The following MARCHF1 variants were observed in gnomAD, a reference collection of about 807,000 sequenced individuals.
The protein encoded by MARCHF1 is membrane associated ring-CH-type finger 1.
MARCHF1 carries 40 observed loss-of-function variants against 54.2 expected under a neutral mutation model. That is an observed-to-expected ratio of 0.74 (90% CI 0.57 to 0.96). The LOEUF is 0.96. MARCHF1 is among the 40% of genes least tolerant of loss of function. MARCHF1 has a pLI of 0.00. For synonymous variants in MARCHF1, 236 were observed against 236.3 expected (o/e 1.00, Z 0.01); for missense variants, 586 against 656.5 (o/e 0.89, Z 1.17).
intron 8 of MARCHF1, among the ~76,000 whole-genome samples, chr4:163,582,768 C>CAAA (rs57140017): frequency 0.088 from 13,163 of 150,046 alleles, 1,072 homozygotes; most frequent in East Asian, 0.2. Flanking sequence ...TTAAAAACTA[C>CAAA]AAAAAAAAAA....
chr4:163,526,568 T>A lies in MARCHF1; in HGVS notation c.*2180A>T, dbSNP rs1738112580. 6.6e-6 allele frequency: 1 copy of A among 152,038 alleles called. No homozygotes were observed. The highest frequency in any genetic ancestry group is 1.5e-5 in the Non-Finnish European group (1 of 67,942). 9.4% of individuals were successfully genotyped at this position (152,038 alleles called of 1,614,324 possible). A position where few individuals can be genotyped will look rare whatever the true frequency, so the allele number is the denominator to read the frequency against. ...TGCCATGGTTAAATCACCCACAGATTTGTTATTCATAAATGTATTTATCTT... is the reference window on the plus strand; with the variant it reads ...TGCCATGGTTAAATCACCCACAGATATGTTATTCATAAATGTATTTATCTT... On this transcript the variant is annotated 3_prime_UTR_variant, in exon 10 of 10. Transcript: ENST00000514618.
intron 1 of MARCHF1, among the ~76,000 whole-genome samples, chr4:164,202,955 T>C (rs980958627): frequency 6.6e-6 from 1 of 151,772 alleles, no homozygotes; most frequent in African/African-American, 2.4e-5. Context: ...CACATACAAA[T>C]GTACACACAC....
intron 4 of MARCHF1, among the ~76,000 whole-genome samples, chr4:163,816,963 T>A (rs1370813555): frequency 6.6e-6 from 1 of 152,098 alleles, no homozygotes; most frequent in Non-Finnish European, 1.5e-5. Flanking sequence ...TTCAACCTAA[T>A]TTGCTTGGTG....
chr4:163,963,471 G>A (rs553525549), intron 3 of MARCHF1, among the ~76,000 whole-genome samples: 15 of 151,946 alleles, frequency 9.9e-5, no homozygotes, highest in Admixed American at 5.3e-4. Flanking sequence ...AAGTTTTATG[G>A]ATCATTGAAA....
chr4:164,077,636 CAAAGGGCTA>C, intron 2 of MARCHF1, among the ~76,000 whole-genome samples: 1 of 152,076 alleles, frequency 6.6e-6, no homozygotes. Flanking sequence ...ATTCATCTGA[CAAAGGGCTA>C]ATATTCAGAA....
chr4:164,086,124 T>C (rs1444308980), intron 2 of MARCHF1, among the ~76,000 whole-genome samples: 1 of 151,898 alleles, frequency 6.6e-6, no homozygotes, highest in African/African-American at 2.4e-5. Context: ...TATTGAGAGA[T>C]AAACATCATT....
chr4:163,608,058 A>T (rs954510554), intron 7 of MARCHF1, among the ~76,000 whole-genome samples: 1 of 152,174 alleles, frequency 6.6e-6, no homozygotes, highest in South Asian at 2.1e-4. Flanking sequence ...TAAAGCTATC[A>T]TTCAAAAACT....
intron 8 of MARCHF1, among the ~76,000 whole-genome samples, chr4:163,556,349 T>G (rs1267930845): frequency 6.6e-6 from 1 of 152,222 alleles, no homozygotes; most frequent in Non-Finnish European, 1.5e-5. Flanking sequence ...TAGAAATGTC[T>G]TTCTAGAATA....
At chr4:164,132,601 T>G (rs950666731) in intron 1 of MARCHF1, among the ~76,000 whole-genome samples, 2 of 152,154 alleles carry the variant, frequency 1.3e-5, no homozygotes, top group African/African-American at 2.4e-5. Flanking sequence ...TTTTTCCCCC[T>G]GCAATCTGTG....
At chr4:163,576,533 G>A (rs193060212) in intron 8 of MARCHF1, among the ~76,000 whole-genome samples, 13 of 152,158 alleles carry the variant, frequency 8.5e-5, no homozygotes. Context: ...GATGAATAGA[G>A]TGCTCTGTAG....
At chr4:164,112,230 C>A (rs934193765) in intron 1 of MARCHF1, among the ~76,000 whole-genome samples, 2 of 151,858 alleles carry the variant, frequency 1.3e-5, no homozygotes, top group Non-Finnish European at 2.9e-5. Context: ...TATCCACAAG[C>A]CATGTACTTC....
chr4:164,355,537 G>C (rs1335088918), intron 1 of MARCHF1, among the ~76,000 whole-genome samples: 5 of 102,294 alleles, frequency 4.9e-5, no homozygotes, highest in African/African-American at 1.7e-4. Context: ...TTTAATAAAT[G>C]GTGCTGGGAA....
At chr4:163,888,999 T>C (rs1254057924) in intron 3 of MARCHF1, among the ~76,000 whole-genome samples, 1 of 152,166 alleles carries the variant, frequency 6.6e-6, no homozygotes, top group African/African-American at 2.4e-5. Flanking sequence ...TCGATTATTA[T>C]TGCATGGTAG....
At chr4:164,358,959 T>C (rs1730644112) in intron 1 of MARCHF1, among the ~76,000 whole-genome samples, 1 of 152,142 alleles carries the variant, frequency 6.6e-6, no homozygotes, top group Non-Finnish European at 1.5e-5. Flanking sequence ...CTTTAAAATA[T>C]ATGGAGGAAA....
intron 4 of MARCHF1, among the ~76,000 whole-genome samples, chr4:163,786,015 G>A (rs920629190): frequency 6.6e-6 from 1 of 151,974 alleles, no homozygotes; most frequent in African/African-American, 2.4e-5. Context: ...CATTGAAGAT[G>A]AAGGAAGAAA....
intron 1 of MARCHF1, among the ~76,000 whole-genome samples, chr4:164,166,540 T>A (rs1021845045): frequency 6.6e-6 from 1 of 151,910 alleles, no homozygotes; most frequent in Non-Finnish European, 1.5e-5. Context: ...CAATTAACAT[T>A]ATAATCAGTG....
rs570364457 is a variant in MARCHF1 at position 163,809,749 on chromosome 4, C to A, written c.111+44272G>T. On this transcript the variant is annotated intron_variant, in intron 4 of 9. Coordinates refer to ENST00000514618, the MANE Select transcript of MARCHF1 (RefSeq NM_001394959.1). ...TACATGTAAAAGTCAAGTACACACACAAATATATTTATGTGACCAGCTTTT... is the reference window on the plus strand; with the variant it reads ...TACATGTAAAAGTCAAGTACACACAAAAATATATTTATGTGACCAGCTTTT... Among the ~76,000 whole-genome samples the A allele has an allele frequency of 1.0e-3, 153 of 152,042 alleles. 1 individual carries two copies. The highest frequency in any genetic ancestry group is 1.7e-3 in the Non-Finnish European group (117 of 68,000).
chr4:163,822,032 G>T (rs1210211152), intron 4 of MARCHF1, among the ~76,000 whole-genome samples: 6 of 151,780 alleles, frequency 4.0e-5, no homozygotes, highest in Non-Finnish European at 8.8e-5. Flanking sequence ...GCATAACTTT[G>T]CATGATTTTG....
intron 4 of MARCHF1, among the ~76,000 whole-genome samples, chr4:163,813,797 G>A (rs959721880): frequency 1.3e-5 from 2 of 152,290 alleles, no homozygotes; most frequent in East Asian, 3.9e-4. Flanking sequence ...GAGAAGCTGA[G>A]TGTTGGGAGA....
Sources: allele counts gnomAD v4.1 joint callset (sites outside exome capture counted in the v4.1 genomes callset), GRCh38; gene constraint gnomAD v4.1.1; transcripts MANE v1.5; gene names NCBI Gene and HGNC (gene_info 2026-07-23, HGNC 2026-07-21).